SNTG1: variants seen among roughly 807,000 people sequenced by gnomAD.
The protein encoded by SNTG1 is syntrophin gamma 1.
In SNTG1, 39 loss-of-function variants were observed where a neutral mutation model predicts 74.7. The ratio of observed to expected loss-of-function variants is 0.52; its 90% CI spans 0.40 to 0.68. SNTG1 has a LOEUF of 0.68. Among genes scored for constraint, SNTG1 ranks in the 30% least tolerant of loss-of-function variants. SNTG1 has a pLI of 0.00. For missense variants in SNTG1, 685 were observed against 609.5 expected, an observed-to-expected ratio of 1.12 and a Z score of -1.30; for synonymous variants, 254 against 217.1, an observed-to-expected ratio of 1.17 and a Z score of -1.49.
At chr8:50,056,344 T>C (rs1820020943) in intron 1 of SNTG1, among the ~76,000 whole-genome samples, 1 of 152,246 alleles carries the variant, frequency 6.6e-6, no homozygotes, top group East Asian at 1.9e-4. Context: ...GCACTTTGTC[T>C]GAAAGAGAAG....
At chr8:50,491,266 A>G (rs1331313981) in intron 8 of SNTG1, 2 of 152,358 alleles carry the variant, frequency 1.3e-5, no homozygotes, top group Non-Finnish European at 1.5e-5. Flanking sequence ...CAGTATCAGA[A>G]TGACGTACCT....
chr8:50,058,791 T>C (rs1349643632), intron 1 of SNTG1, among the ~76,000 whole-genome samples: 7 of 151,906 alleles, frequency 4.6e-5, no homozygotes, highest in Non-Finnish European at 1.0e-4. Context: ...TGCAATTTTA[T>C]CACAGGTAAA....
chr8:50,620,387 G>T (rs753994144), intron 13 of SNTG1, among the ~76,000 whole-genome samples: 2 of 152,260 alleles, frequency 1.3e-5, no homozygotes, highest in Non-Finnish European at 2.9e-5. Context: ...GAAATTCAGG[G>T]TCATGTCAGC....
At chr8:50,312,472 G>A (rs928468999) in intron 2 of SNTG1, among the ~76,000 whole-genome samples, 1 of 138,102 alleles carries the variant, frequency 7.2e-6, no homozygotes, top group African/African-American at 3.0e-5. Context: ...AAATATGTAA[G>A]GTGAGTAACA....
chr8:50,441,602 T>A (rs759804902), intron 5 of SNTG1, among the ~76,000 whole-genome samples: 10 of 152,216 alleles, frequency 6.6e-5, no homozygotes, highest in Non-Finnish European at 8.8e-5. Context: ...TTTAAAAATA[T>A]GACTTAAGTA....
chr8:50,262,184 T>C (rs1281444215), intron 2 of SNTG1, among the ~76,000 whole-genome samples: 1 of 152,132 alleles, frequency 6.6e-6, no homozygotes, highest in South Asian at 2.1e-4. Flanking sequence ...TACTAAGATT[T>C]GTAGAATGCC....
chr8:50,603,517 CTTAT>C (rs2094790277), intron 13 of SNTG1, among the ~76,000 whole-genome samples: 1 of 152,018 alleles, frequency 6.6e-6, no homozygotes, highest in Non-Finnish European at 1.5e-5. Flanking sequence ...TCCTTAGTGT[CTTAT>C]TTATTTTTTT....
intron 1 of SNTG1, among the ~76,000 whole-genome samples, chr8:49,983,327 A>G (rs937750980): frequency 6.6e-6 from 1 of 152,196 alleles, no homozygotes; most frequent in African/African-American, 2.4e-5. Flanking sequence ...ATATTTGCAC[A>G]TTTTTCAAAA....
chr8:49,999,046 G>A (rs566391659), intron 1 of SNTG1, among the ~76,000 whole-genome samples: 3 of 152,226 alleles, frequency 2.0e-5, no homozygotes, highest in Non-Finnish European at 4.4e-5. Context: ...GAATGGAAGT[G>A]TTCAACTCCT....
At chr8:50,138,342 C>T (rs971488340) in intron 1 of SNTG1, among the ~76,000 whole-genome samples, 4 of 151,882 alleles carry the variant, frequency 2.6e-5, no homozygotes, top group African/African-American at 4.8e-5. Flanking sequence ...TCTGGCTGGA[C>T]GTGGTGGCTC....
chr8:50,665,304 A>G (rs1472884652), intron 15 of SNTG1, among the ~76,000 whole-genome samples: 1 of 152,106 alleles, frequency 6.6e-6, no homozygotes, highest in Non-Finnish European at 1.5e-5. Context: ...TCACTGTTAG[A>G]GATGAAAGTC....
At chr8:49,937,837 T>G (rs1334373089) in intron 1 of SNTG1, among the ~76,000 whole-genome samples, 1 of 152,212 alleles carries the variant, frequency 6.6e-6, no homozygotes, top group Non-Finnish European at 1.5e-5. Flanking sequence ...AGTTTTCTTT[T>G]CTTTCTCCTT....
intron 18 of SNTG1, among the ~76,000 whole-genome samples, chr8:50,777,126 C>A (rs1346563151): frequency 6.6e-6 from 1 of 151,180 alleles, no homozygotes; most frequent in African/African-American, 2.4e-5. Context: ...ATTCTTTCAC[C>A]AATTTCAATG....
intron 1 of SNTG1, among the ~76,000 whole-genome samples, chr8:50,068,303 C>T (rs1586131475): frequency 6.6e-6 from 1 of 152,124 alleles, no homozygotes; most frequent in African/African-American, 2.4e-5. Flanking sequence ...ATTACCCGTG[C>T]GTGGTATCCT....
intron 2 of SNTG1, among the ~76,000 whole-genome samples, chr8:50,367,949 T>A (rs972686800): frequency 2.0e-5 from 3 of 152,046 alleles, no homozygotes; most frequent in Admixed American, 6.6e-5. Context: ...AGGGTAGAGG[T>A]TGGCTGAGTT....
chr8:50,570,226 T>TTTTTATTTTATTTTA (rs1175368970), intron 12 of SNTG1, among the ~76,000 whole-genome samples: 3,527 of 46,822 alleles, frequency 0.075, 576 homozygotes, highest in African/African-American at 0.15. Context: ...GGTGGTTCTA[T>TTTTTATTTTATTTTA]TTTTATTTTA....
At chr8:50,558,878 A>T (rs887062391) in intron 12 of SNTG1, among the ~76,000 whole-genome samples, 20 of 152,274 alleles carry the variant, frequency 1.3e-4, no homozygotes, top group East Asian at 3.9e-4. Flanking sequence ...GTACTTTTAA[A>T]TTTTTTGTAT....
chr8:50,240,802 A>G (rs2086131612), intron 2 of SNTG1, among the ~76,000 whole-genome samples: 1 of 152,222 alleles, frequency 6.6e-6, no homozygotes. Context: ...AAACAAAGAA[A>G]ACAAATTTAT....
chr8:50,549,906 C>G (rs971304332), intron 11 of SNTG1, among the ~76,000 whole-genome samples: 21 of 152,098 alleles, frequency 1.4e-4, no homozygotes, highest in East Asian at 7.7e-4. Context: ...TATTGAATCA[C>G]ATCGTTTCTA....
Sources: allele counts gnomAD v4.1 joint callset (sites outside exome capture counted in the v4.1 genomes callset), GRCh38; gene constraint gnomAD v4.1.1; transcripts MANE v1.5; gene names NCBI Gene and HGNC (gene_info 2026-07-23, HGNC 2026-07-21).